PTPRB: variants seen among roughly 807,000 people sequenced by gnomAD.
PTPRB encodes receptor-type tyrosine-protein phosphatase beta.
Under a neutral mutation model 238.1 loss-of-function variants are expected in PTPRB, and 97 were observed. That is an observed-to-expected ratio of 0.41 (90% CI 0.35 to 0.48). The LOEUF (loss-of-function observed/expected upper bound fraction) is 0.48, where lower values mean the gene tolerates loss of function less well. Ranked by LOEUF, PTPRB falls within the 20% of genes least tolerant of loss-of-function variation. PTPRB has a pLI of 0.30. For missense variants in PTPRB, 2,292 were observed against 2,681.9 expected, an observed-to-expected ratio of 0.85 and a Z score of 3.21; for synonymous variants, 970 against 995.4, an observed-to-expected ratio of 0.97 and a Z score of 0.48.
intron 23 of PTPRB, 194 bp downstream of exon 23, chr12:70,540,664 A>G (rs899087365): frequency 5.3e-6 from 3 of 565,232 alleles, no homozygotes; most frequent in African/African-American, 3.8e-5. Flanking sequence ...GGCTGAATTC[A>G]TCAATGGGAT....
Position 70,518,933 on chromosome 12 carries a change from AAC to A in PTPRB, c.*2554_*2555del, listed in dbSNP as rs1565890526. 6.6e-6 allele frequency: 1 copy of A among 152,196 alleles called. No individual in the cohort carries two copies. The highest frequency in any genetic ancestry group is 1.5e-5 in the Non-Finnish European group (1 of 68,034). The allele number at this position is 152,196 out of a possible 1,614,324, so 9.4% of individuals were successfully genotyped here. A position where few individuals can be genotyped will look rare whatever the true frequency, so the allele number is the denominator to read the frequency against. ...GGAAATGGAGTGTTTACCAAGACAT[AAC>A]ACATGATGCAATTAAATGGAAATAA... On this transcript the variant is annotated 3_prime_UTR_variant, in exon 34 of 34. Transcript: ENST00000334414.
Position 70,592,233 on chromosome 12 carries a change from CAG to C in PTPRB, c.1780+47_1780+48del, listed in dbSNP as rs769570888. 6.2e-6 allele frequency: 10 copies of C among 1,612,550 alleles called. 1 individual carries two copies. The East Asian group carries it at 2.0e-4, about 32-fold the overall frequency. On this transcript the variant is annotated intron_variant, in intron 7 of 33. Transcript: ENST00000334414. ...TATTTTGTCCTATTTTAAGGTGGAT[CAG>C]AGAGTGATTTGAGCAACCAAGGAAC...
intron 10 of PTPRB, 112 bp from the exon 11 acceptor site, chr12:70,576,757 C>G (rs1880823618): frequency 4.7e-6 from 3 of 631,890 alleles, no homozygotes; most frequent in Non-Finnish European, 8.3e-6. Context: ...CGTGGACTCA[C>G]TCAGGAGATC....
intron 3 of PTPRB, among the ~76,000 whole-genome samples, chr12:70,618,657 C>A (rs368744141): frequency 6.6e-6 from 1 of 152,160 alleles, no homozygotes. Context: ...CCATACTTGG[C>A]GAACAATTGA....
intron 11 of PTPRB, among the ~76,000 whole-genome samples, chr12:70,573,461 G>A (rs930834970): frequency 6.7e-6 from 1 of 150,256 alleles, no homozygotes; most frequent in African/African-American, 2.4e-5. Context: ...TGCCTAAAAA[G>A]TAAAGGTGGC....
chr12:70,583,494 G>A (rs1361494800), intron 9 of PTPRB, among the ~76,000 whole-genome samples: 4 of 152,246 alleles, frequency 2.6e-5, no homozygotes, highest in Middle Eastern at 3.4e-3. Flanking sequence ...ATTGGAGAAA[G>A]GAGGTAAAGT....
chr12:70,598,929 A>G (rs1477405835), intron 4 of PTPRB, among the ~76,000 whole-genome samples: 2 of 152,164 alleles, frequency 1.3e-5, no homozygotes, highest in Non-Finnish European at 2.9e-5. Flanking sequence ...AAAACAGTCA[A>G]TCCTTTGTAC....
intron 5 of PTPRB, among the ~76,000 whole-genome samples, chr12:70,595,334 A>C (rs371749357): frequency 6.6e-6 from 1 of 152,152 alleles, no homozygotes; most frequent in South Asian, 2.1e-4. Flanking sequence ...AGCATTAGGA[A>C]AAATATCTAA....
chr12:70,601,958 GT>G (rs796442963), intron 4 of PTPRB, among the ~76,000 whole-genome samples: 1,968 of 91,574 alleles, frequency 0.021, 47 homozygotes, highest in African/African-American at 0.076. Flanking sequence ...GCCCGGCTAA[GT>G]TTTTTTTTTG....
intron 4 of PTPRB, among the ~76,000 whole-genome samples, chr12:70,608,103 AATG>A (rs1884117375): frequency 6.6e-6 from 1 of 152,246 alleles, no homozygotes; most frequent in African/African-American, 2.4e-5. Flanking sequence ...TAGCAAAAGA[AATG>A]ATCCTGTTTC....
chr12:70,537,108 C>T (rs1470832474), intron 28 of PTPRB, among the ~76,000 whole-genome samples: 2 of 151,968 alleles, frequency 1.3e-5, no homozygotes, highest in East Asian at 1.9e-4. Context: ...CACGGTGAAA[C>T]CCCGTCTCTA....
chr12:70,634,267 C>T (rs1046738069), intron 2 of PTPRB, among the ~76,000 whole-genome samples: 1 of 152,034 alleles, frequency 6.6e-6, no homozygotes, highest in African/African-American at 2.4e-5. Context: ...CAAATCAACA[C>T]CTAAGGAAAA....
chr12:70,522,282 C>T (rs60892982), intron 33 of PTPRB, among the ~76,000 whole-genome samples: 2 of 152,232 alleles, frequency 1.3e-5, no homozygotes, highest in African/African-American at 4.8e-5. Context: ...GTCCACATGG[C>T]AAGGAATTGT....
intron 32 of PTPRB, among the ~76,000 whole-genome samples, chr12:70,527,470 AG>A (rs1872595576): frequency 6.6e-6 from 1 of 152,324 alleles, no homozygotes; most frequent in African/African-American, 2.4e-5. Context: ...ATGCAACCTG[AG>A]GTCCTTAGTC....
chr12:70,575,349 TTGGAG>T (rs1880563121), intron 11 of PTPRB, among the ~76,000 whole-genome samples: 2 of 152,194 alleles, frequency 1.3e-5, no homozygotes, highest in Non-Finnish European at 2.9e-5. Flanking sequence ...TCTTAGCTTT[TTGGAG>T]GTCACAGAAA....
intron 8 of PTPRB, among the ~76,000 whole-genome samples, chr12:70,589,504 C>G (rs534457997): frequency 5.8e-4 from 88 of 152,282 alleles, no homozygotes; most frequent in South Asian, 2.1e-3. Context: ...AAGTTATAAC[C>G]TCTTTGAGCC....
chr12:70,578,604 A>T (rs1209480717), intron 10 of PTPRB, among the ~76,000 whole-genome samples: 1 of 152,016 alleles, frequency 6.6e-6, no homozygotes, highest in African/African-American at 2.4e-5. Flanking sequence ...TATGGGTCAA[A>T]TACTTGTACC....
At chr12:70,563,961 A>G (rs1878867397) in intron 15 of PTPRB, among the ~76,000 whole-genome samples, 1 of 152,014 alleles carries the variant, frequency 6.6e-6, no homozygotes, top group African/African-American at 2.4e-5. Context: ...TTATCATCCT[A>G]TGACTGCAGT....
chr12:70,539,786 A>G, intron 25 of PTPRB, 41 bp downstream of exon 25: 1 of 1,598,722 alleles, frequency 6.3e-7, no homozygotes, highest in South Asian at 1.1e-5. Context: ...CTCATATTTC[A>G]AAGGCAGATA....
Sources: gnomAD v4.1 joint callset for allele counts (sites outside exome capture counted in the v4.1 genomes callset) on GRCh38, gnomAD v4.1.1 for gene constraint, MANE v1.5 for transcripts, NCBI Gene and HGNC (gene_info 2026-07-23, HGNC 2026-07-21) for gene names.